Variants in CORIN observed in about 807,000 individuals in gnomAD.
CORIN encodes atrial natriuretic peptide-converting enzyme.
Under a neutral mutation model 125.3 loss-of-function variants are expected in CORIN, and 117 were observed. That is an observed-to-expected ratio of 0.93 (90% CI 0.80 to 1.09). CORIN has a LOEUF of 1.09. Ranked by LOEUF, CORIN falls within the 50% of genes least tolerant of loss-of-function variation. The pLI is 0.00. For synonymous variants in CORIN, 450 were observed against 466.4 expected (o/e 0.96, Z 0.45); for missense variants, 1,253 against 1,306.7 (o/e 0.96, Z 0.63).
intron 5 of CORIN, among the ~76,000 whole-genome samples, chr4:47,720,613 T>C: frequency 6.6e-6 from 1 of 152,232 alleles, no homozygotes; most frequent in African/African-American, 2.4e-5. Context: ...TACATAGAGC[T>C]ATCCCTACAC....
At chr4:47,775,220 C>CT (rs146791663) in intron 3 of CORIN, among the ~76,000 whole-genome samples, 8,893 of 150,834 alleles carry the variant, frequency 0.059, 802 homozygotes, top group African/African-American at 0.2. Flanking sequence ...TATTATCTTT[C>CT]TTTTTTTTTC....
chr4:47,674,494 G>A lies in CORIN; in HGVS notation c.1256C>T (p.Thr419Ile), dbSNP rs755071014. Reference protein sequence around the residue: ...SDEENCSVIQTSCQEGDQRCL... With the variant: ...SDEENCSVIQISCQEGDQRCL... ...TCTTTGGTCTCCTTCTTGACATGAA[G>A]TCTGAACTACAGAGGGAGGAAAAGG... Residue 419 changes from threonine (T) to isoleucine (I), a missense_variant, in exon 10 of 22, where the codon ACT (threonine) becomes ATT (isoleucine). By Grantham distance (89) the Thr-to-Ile change is moderately conservative. Transcript: ENST00000273857. 1 of 1,606,020 alleles carries A rather than the reference G, an allele frequency of 6.2e-7. No homozygotes were observed. Among genetic ancestry groups the A allele is most frequent in the South Asian group, 1.1e-5 (1 of 90,952 alleles).
At chr4:47,608,356 A>G (rs1375500599) in intron 19 of CORIN, among the ~76,000 whole-genome samples, 3 of 152,326 alleles carry the variant, frequency 2.0e-5, no homozygotes, top group Admixed American at 6.5e-5. Flanking sequence ...GGCTACCAAG[A>G]AAAGAAAGCC....
chr4:47,777,626 G>A (rs540138938), intron 3 of CORIN, among the ~76,000 whole-genome samples: 14 of 152,204 alleles, frequency 9.2e-5, no homozygotes, highest in East Asian at 5.8e-4. Flanking sequence ...GCAAGACTCC[G>A]TCTCAAAAAC....
chr4:47,779,213 T>G (rs1277723123), intron 3 of CORIN, among the ~76,000 whole-genome samples: 2 of 152,200 alleles, frequency 1.3e-5, no homozygotes, highest in Non-Finnish European at 2.9e-5. Flanking sequence ...ACGCCTGTAT[T>G]CCCAGCACTT....
At chr4:47,597,040 G>A (rs1721280380) in intron 21 of CORIN, among the ~76,000 whole-genome samples, 1 of 152,068 alleles carries the variant, frequency 6.6e-6, no homozygotes, top group Admixed American at 6.6e-5. Context: ...AGGAATATTA[G>A]GGAATATTAT....
intron 4 of CORIN, among the ~76,000 whole-genome samples, chr4:47,759,899 G>T (rs771915403): frequency 6.6e-6 from 1 of 152,172 alleles, no homozygotes; most frequent in African/African-American, 2.4e-5. Flanking sequence ...CACAACCTCT[G>T]CAATTACTTT....
At position 47,665,198 on chromosome 4, in the gene CORIN, T is replaced by C; in HGVS notation, c.1423A>G (p.Asn475Asp). Residue 475 changes from asparagine (N) to aspartate (D), a missense_variant, in exon 11 of 22, where the codon AAT becomes GAT. By Grantham distance (23) the Asn-to-Asp change is conservative (BLOSUM62 1). Coordinates refer to ENST00000273857, the MANE Select transcript of CORIN (RefSeq NM_006587.4). ...NLPYNSTSYP[N>D]YFGHRTQKEA... Reference sequence around the variant, plus strand: ...TTTTGAGTCCTGTGGCCAAAATAATTTGGATAACTTGTACTGTTGTAGGGC... The same window carrying C: ...TTTTGAGTCCTGTGGCCAAAATAATCTGGATAACTTGTACTGTTGTAGGGC... The C allele has an allele frequency of 1.2e-6, 2 of 1,614,006 alleles. No individual in the cohort carries two copies. Among genetic ancestry groups the C allele is most frequent in the South Asian group, 1.1e-5 (1 of 91,070 alleles).
chr4:47,668,906 G>C (rs557027037), intron 10 of CORIN, among the ~76,000 whole-genome samples: 62 of 152,294 alleles, frequency 4.1e-4, no homozygotes, highest in Non-Finnish European at 7.9e-4. Context: ...TTCACAGAAT[G>C]CTAAGCAAGA....
At chr4:47,793,027 CTGTTGTTGT>C (rs892227612) in intron 2 of CORIN, among the ~76,000 whole-genome samples, 27 of 149,050 alleles carry the variant, frequency 1.8e-4, no homozygotes, top group African/African-American at 5.2e-4. Context: ...TTGTAGAAGC[CTGTTGTTGT>C]TGTTGTTGTT....
intron 17 of CORIN, 132 bp from the exon 18 acceptor site, chr4:47,624,080 T>C: frequency 1.3e-6 from 1 of 747,360 alleles, no homozygotes; most frequent in South Asian, 1.7e-5. Context: ...GCATTTCCTG[T>C]GTTACCACAG....
intron 2 of CORIN, among the ~76,000 whole-genome samples, chr4:47,790,918 AT>A (rs61756968): frequency 0.091 from 13,817 of 152,154 alleles, 793 homozygotes; most frequent in East Asian, 0.27. Context: ...GCCAAAAAAA[AT>A]GTAATGATAT....
intron 5 of CORIN, among the ~76,000 whole-genome samples, chr4:47,693,440 T>A (rs2109743260): frequency 6.6e-6 from 1 of 152,278 alleles, no homozygotes; most frequent in East Asian, 1.9e-4. Context: ...GAAAATTATG[T>A]CCAAGTAAAG....
intron 6 of CORIN, among the ~76,000 whole-genome samples, chr4:47,688,121 C>T (rs1470906151): frequency 6.6e-6 from 1 of 152,178 alleles, no homozygotes; most frequent in African/African-American, 2.4e-5. Context: ...GCACAGTATA[C>T]AAACATCACC....
chr4:47,760,584 T>C lies in CORIN; in HGVS notation c.617+2795A>G, dbSNP rs946325072. Among the ~76,000 whole-genome samples, 6 of 152,246 alleles carry C rather than the reference T, an allele frequency of 3.9e-5. No individual in the cohort carries two copies. In the East Asian group the frequency reaches 1.2e-3, roughly 29 times the overall value. ...GAGTATGAGTAGAGTAGATTTAGCA[T>C]ACTTGTTAACGGCCTTAGGATTTTG... On this transcript the variant is annotated intron_variant, in intron 4 of 21. Transcript: ENST00000273857.
intron 19 of CORIN, among the ~76,000 whole-genome samples, chr4:47,620,417 A>AG (rs1444870720): frequency 1.3e-5 from 2 of 152,254 alleles, no homozygotes; most frequent in Non-Finnish European, 2.9e-5. Flanking sequence ...GTTGACCTGG[A>AG]GAGATGTCCA....
chr4:47,807,120 A>G, intron 1 of CORIN, 73 bp from the exon 2 acceptor site: 1 of 1,242,144 alleles, frequency 8.1e-7, no homozygotes, highest in East Asian at 2.4e-5. Context: ...GGTTACAGCT[A>G]TCCATTTAGA....
intron 4 of CORIN, among the ~76,000 whole-genome samples, chr4:47,749,870 T>A (rs932859463): frequency 1.3e-5 from 2 of 152,210 alleles, no homozygotes; most frequent in Non-Finnish European, 2.9e-5. Flanking sequence ...CTGCAGAACT[T>A]ACTTAGTCGT....
intron 19 of CORIN, among the ~76,000 whole-genome samples, chr4:47,615,737 A>ACCT (rs1388447762): frequency 3.9e-5 from 6 of 152,202 alleles, no homozygotes; most frequent in African/African-American, 1.4e-4. Flanking sequence ...CCCTGCCAGT[A>ACCT]CCTTGATCCT....
Sources: gnomAD v4.1 joint callset for allele counts (sites outside exome capture counted in the v4.1 genomes callset) on GRCh38, gnomAD v4.1.1 for gene constraint, MANE v1.5 for transcripts, NCBI Gene and HGNC (gene_info 2026-07-23, HGNC 2026-07-21) for gene names.